The following BRIP1 variants were observed in gnomAD, a reference collection of about 807,000 sequenced individuals.
BRIP1 encodes BRCA1 interacting DNA helicase 1.
Under a neutral mutation model 119.7 loss-of-function variants are expected in BRIP1, and 88 were observed. That is an observed-to-expected ratio of 0.74 (90% confidence interval 0.62 to 0.88). The LOEUF (loss-of-function observed/expected upper bound fraction) is 0.88, where lower values mean the gene tolerates loss of function less well. Ranked by LOEUF, BRIP1 falls within the 40% of genes least tolerant of loss-of-function variation. The probability of loss-of-function intolerance (pLI) is 0.00; values close to 1 mark genes in which losing one functional copy is unlikely to be tolerated. For synonymous variants in BRIP1, 443 were observed against 496.5 expected, an observed-to-expected ratio of 0.89 and a Z score of 1.43; for missense variants, 1,259 against 1,455.4, an observed-to-expected ratio of 0.87 and a Z score of 2.20.
In BRIP1 at chr17:61,832,654, A is replaced by T. The variant is rs1245812109; in HGVS notation, c.627+14447T>A. 6.6e-6 allele frequency among the ~76,000 whole-genome samples: 1 copy of T among 152,130 alleles called. No individual in the cohort carries two copies. The highest frequency in any genetic ancestry group is 1.5e-5 in the Non-Finnish European group (1 of 68,026). On this transcript the variant is annotated intron_variant, in intron 6 of 19. Coordinates refer to ENST00000259008, the MANE Select transcript of BRIP1 (RefSeq NM_032043.3). The surrounding 1 kb of genome is among the most constrained non-coding windows in gnomAD (Gnocchi z 5.5). ...AATATTCTGAAGTGTCAAAATCATG[A>T]CAGTCAAGGAAAGACTGAAGAAGTG... is the stretch of plus-strand genomic sequence containing the variant.
rs1344643240 is a variant in BRIP1 at position 61,738,351 on chromosome 17, C to T, written c.2379+4662G>A. ...ATCTAGTAGTGCTGGTAAATAATTTCACTTTTTCTATCCCTTGTCCCTGCA... is the reference window on the plus strand; with the variant it reads ...ATCTAGTAGTGCTGGTAAATAATTTTACTTTTTCTATCCCTTGTCCCTGCA... On this transcript the variant is annotated intron_variant, in intron 16 of 19. Transcript: ENST00000259008. This position sits in a 1 kb window ranked among gnomAD's most constrained non-coding sequence, Gnocchi z 4.2. Among the ~76,000 whole-genome samples, 1 of 152,156 alleles carries T rather than the reference C, an allele frequency of 6.6e-6. No individual in the cohort carries two copies. The highest frequency in any genetic ancestry group is 2.1e-4 in the South Asian group (1 of 4,832).
In BRIP1 at chr17:61,696,430, A is replaced by C. The variant is rs144731270; in HGVS notation, c.2493-2918T>G. ...GTACAATCTTCTTTTCTCGTAATGT[A>C]TTTTACTTGTTTTAGTATCAGGTAA... On this transcript the variant is annotated intron_variant, in intron 17 of 19. Transcript: ENST00000259008. Among the ~76,000 whole-genome samples the C allele has an allele frequency of 6.3e-3, 959 of 152,060 alleles. 8 individuals are homozygous for C. The highest frequency in any genetic ancestry group is 0.022 in the African/African-American group (915 of 41,480).
At position 61,780,198 on chromosome 17, in the gene BRIP1, T is replaced by A; in HGVS notation, c.1935+63A>T. ...GGCACTTCAGGTATCTTCTAACTTG[T>A]TTACATAGTTATATTGAAGTAGAAA... is the stretch of plus-strand genomic sequence containing the variant. On this transcript the variant is annotated intron_variant, in intron 13 of 19. Transcript: ENST00000259008. This position sits in a 1 kb window ranked among gnomAD's most constrained non-coding sequence, Gnocchi z 5.4. The A allele has an allele frequency of 2.6e-6, 4 of 1,520,740 alleles. No homozygotes were observed. Among genetic ancestry groups the A allele is most frequent in the Non-Finnish European group, 3.6e-6 (4 of 1,104,766 alleles). 94.2% of individuals were successfully genotyped at this position (1,520,740 alleles called of 1,614,324 possible).
At chr17:61,763,599 C>T (rs2077309140) in intron 14 of BRIP1, among the ~76,000 whole-genome samples, 1 of 152,110 alleles carries the variant, frequency 6.6e-6, no homozygotes, top group Admixed American at 6.6e-5. Flanking sequence ...AACCAACGCA[C>T]TGATATGAGC....
chr17:61,857,300 A>T lies in BRIP1; in HGVS notation c.206-69T>A, dbSNP rs1306333252. On this transcript the variant is annotated intron_variant, in intron 3 of 19. Transcript: ENST00000259008. The surrounding 1 kb of genome is among the most constrained non-coding windows in gnomAD (Gnocchi z 5.1). Reference sequence around the variant, plus strand: ...AAACATCAATCATTCTCTACAGCCCAGTTCACCCAGGATTGGGAGGTTTCC... The same window carrying T: ...AAACATCAATCATTCTCTACAGCCCTGTTCACCCAGGATTGGGAGGTTTCC... 4.3e-6 allele frequency: 6 copies of T among 1,395,034 alleles called. No homozygotes were observed. The highest frequency in any genetic ancestry group is 4.9e-6 in the Non-Finnish European group (5 of 1,022,188). 86.4% of individuals were successfully genotyped at this position (1,395,034 alleles called of 1,614,324 possible).
At chr17:61,835,657 C>G (rs1174281524) in intron 6 of BRIP1, among the ~76,000 whole-genome samples, 1 of 150,270 alleles carries the variant, frequency 6.7e-6, no homozygotes, top group African/African-American at 2.5e-5. Context: ...TGTTTGAAGC[C>G]AAGTGGAATT....
At position 61,852,053 on chromosome 17, in the gene BRIP1, T is replaced by C. The variant is rs2078829847; in HGVS notation, c.380-2797A>G. ...CCACTCAAAATGTTAATAGTGCCAC[T>C]GTGGAGAAACTCTGTCCCAAATAAA... On this transcript the variant is annotated intron_variant, in intron 4 of 19. Coordinates refer to ENST00000259008, the MANE Select transcript of BRIP1 (RefSeq NM_032043.3). This position sits in a 1 kb window ranked among gnomAD's most constrained non-coding sequence, Gnocchi z 4.9. Among the ~76,000 whole-genome samples, 1 of 152,186 alleles carries C rather than the reference T, an allele frequency of 6.6e-6. No individual in the cohort carries two copies. The highest frequency in any genetic ancestry group is 1.5e-5 in the Non-Finnish European group (1 of 68,024).
chr17:61,694,509 C>T (rs2061494389), intron 17 of BRIP1, among the ~76,000 whole-genome samples: 1 of 151,904 alleles, frequency 6.6e-6, no homozygotes, highest in Non-Finnish European at 1.5e-5. Context: ...TATATGAATA[C>T]ATGTTTTTTA....
In BRIP1 at chr17:61,799,778, A is replaced by C. The variant is rs2077962136; in HGVS notation, c.1141-479T>G. Among the ~76,000 whole-genome samples, 1 of 152,192 alleles carries C rather than the reference A, an allele frequency of 6.6e-6. No homozygotes were observed. Among genetic ancestry groups the C allele is most frequent in the Non-Finnish European group, 1.5e-5 (1 of 68,030 alleles). On this transcript the variant is annotated intron_variant, in intron 8 of 19. Coordinates refer to ENST00000259008, the MANE Select transcript of BRIP1 (RefSeq NM_032043.3). The surrounding 1 kb of genome is among the most constrained non-coding windows in gnomAD (Gnocchi z 5.1). ...ACAATACAAGATTAAAATGACTCTT[A>C]AAATACTAACATAATATATATGTTT...
At chr17:61,772,664 C>G (rs918532941) in intron 14 of BRIP1, among the ~76,000 whole-genome samples, 1 of 151,500 alleles carries the variant, frequency 6.6e-6, no homozygotes, top group African/African-American at 2.4e-5. Context: ...ACTAAAAATA[C>G]AAAATTAGCC....
intron 16 of BRIP1, among the ~76,000 whole-genome samples, chr17:61,737,447 T>G (rs1229668412): frequency 6.6e-6 from 1 of 152,140 alleles, no homozygotes; most frequent in African/African-American, 2.4e-5. Flanking sequence ...AAGGAAAACA[T>G]TAGGGGCAAA....
At chr17:61,790,714 A>C (rs2077803404) in intron 10 of BRIP1, among the ~76,000 whole-genome samples, 1 of 151,654 alleles carries the variant, frequency 6.6e-6, no homozygotes, top group Admixed American at 6.6e-5. Flanking sequence ...ATCATGGTTC[A>C]CTGTAGCCTC....
chr17:61,689,057 T>TGTTATGTTATGTTATG lies in BRIP1; in HGVS notation c.2576-2893_2576-2892insCATAACATAACATAAC, dbSNP rs57839863. ...TGTTATGTTATGTTATGTTATGTTA[T>TGTTATGTTATGTTATG]TTTTTTGAGACAGTCTCGCTCTGTC... On this transcript the variant is annotated intron_variant, in intron 18 of 19. Coordinates refer to ENST00000259008, the MANE Select transcript of BRIP1 (RefSeq NM_032043.3). This position sits in a 1 kb window ranked among gnomAD's most constrained non-coding sequence, Gnocchi z 4.5. 6.6e-6 allele frequency among the ~76,000 whole-genome samples: 1 copy of TGTTATGTTATGTTATG among 151,928 alleles called. No homozygotes were observed. Among genetic ancestry groups the TGTTATGTTATGTTATG allele is most frequent in the African/African-American group, 2.4e-5 (1 of 41,344 alleles).
At position 61,851,446 on chromosome 17, in the gene BRIP1, A is replaced by T. The variant is rs533388557; in HGVS notation, c.380-2190T>A. On this transcript the variant is annotated intron_variant, in intron 4 of 19. Transcript: ENST00000259008. This position sits in a 1 kb window ranked among gnomAD's most constrained non-coding sequence, Gnocchi z 4.6. ...ATCTACCTTGAATGGGCTTTTGTAT[A>T]TGGTATAAAGTAGGGCTCCAATTTC... Among the ~76,000 whole-genome samples, 1 of 152,222 alleles carries T rather than the reference A, an allele frequency of 6.6e-6. No homozygotes were observed. Among genetic ancestry groups the T allele is most frequent in the Admixed American group, 6.5e-5 (1 of 15,290 alleles).
In BRIP1 at chr17:61,852,525, G is replaced by A. The variant is rs1320202589; in HGVS notation, c.380-3269C>T. Among the ~76,000 whole-genome samples the A allele has an allele frequency of 3.3e-5, 5 of 151,978 alleles. No homozygotes were observed. Among genetic ancestry groups the A allele is most frequent in the South Asian group, 2.1e-4 (1 of 4,824 alleles). On this transcript the variant is annotated intron_variant, in intron 4 of 19. Transcript: ENST00000259008. This position sits in a 1 kb window ranked among gnomAD's most constrained non-coding sequence, Gnocchi z 4.9. Reference sequence around the variant, plus strand: ...TCTACTAAAAATACAAAAATCAGCCGGGCGTGGTGGCAGGTGCCTGTAATC... The same window carrying A: ...TCTACTAAAAATACAAAAATCAGCCAGGCGTGGTGGCAGGTGCCTGTAATC...
rs12948762 is a variant in BRIP1 at position 61,815,870 on chromosome 17, T to G, written c.628-7113A>C. Among the ~76,000 whole-genome samples the G allele has an allele frequency of 0.79, 120,800 of 152,220 alleles. 48,564 individuals carry two copies. The highest frequency in any genetic ancestry group is 0.9 in the African/African-American group (37,238 of 41,550). ...AACTTTGAGACATAAAAAAGGGTTTTTTAATCTTTATCAACCATTTGCTGT... is the reference window on the plus strand; with the variant it reads ...AACTTTGAGACATAAAAAAGGGTTTGTTAATCTTTATCAACCATTTGCTGT... On this transcript the variant is annotated intron_variant, in intron 6 of 19. Coordinates refer to ENST00000259008, the MANE Select transcript of BRIP1 (RefSeq NM_032043.3). The surrounding 1 kb of genome is among the most constrained non-coding windows in gnomAD (Gnocchi z 4.1).
chr17:61,789,328 CAG>C lies in BRIP1; in HGVS notation c.1473+4267_1473+4268del, dbSNP rs1303274452. On this transcript the variant is annotated intron_variant, in intron 10 of 19. Coordinates refer to ENST00000259008, the MANE Select transcript of BRIP1 (RefSeq NM_032043.3). This position sits in a 1 kb window ranked among gnomAD's most constrained non-coding sequence, Gnocchi z 4.8. ...TAATTAAAAAAAGAAAAATAGGTAG[CAG>C]AGGTAGCATTACAAATTAGAGGGAA... is the stretch of plus-strand genomic sequence containing the variant. Among the ~76,000 whole-genome samples, 1 of 150,858 alleles carries C rather than the reference CAG, an allele frequency of 6.6e-6. No individual in the cohort carries two copies. Among genetic ancestry groups the C allele is most frequent in the Non-Finnish European group, 1.5e-5 (1 of 67,674 alleles).
rs747213803 is a variant in BRIP1, at chr17:61,686,141, T to C, written c.2600A>G (p.Gln867Arg). The C allele has an allele frequency of 6.2e-7, 1 of 1,614,128 alleles. No homozygotes were observed. Among genetic ancestry groups the C allele is most frequent in the South Asian group, 1.1e-5 (1 of 91,078 alleles). Reference sequence around the variant, plus strand: ...TTCAAAGGTTGAATGGTGCTGAATCTGCTGCCGTACCCATTTAGAAAGTCC... The same window carrying C: ...TTCAAAGGTTGAATGGTGCTGAATCCGCTGCCGTACCCATTTAGAAAGTCC... The part of the protein sequence containing the change: ...ISGLSKWVRQ[Q>R]IQHHSTFESA... The change falls in exon 19 of 20, where the codon CAG (glutamine) becomes CGG (arginine). Residue 867 changes from glutamine to arginine, a missense_variant. By Grantham distance (43) the Gln-to-Arg change is conservative. This residue lies in a region of BRIP1 where 753 missense variants were observed against 891.8 expected (regional missense o/e 0.84). Coordinates refer to ENST00000259008, the MANE Select transcript of BRIP1 (RefSeq NM_032043.3). The surrounding 1 kb of genome is among the most constrained non-coding windows in gnomAD (Gnocchi z 5.4).
intron 14 of BRIP1, among the ~76,000 whole-genome samples, chr17:61,764,319 C>A (rs2077319860): frequency 6.6e-6 from 1 of 152,186 alleles, no homozygotes; most frequent in Non-Finnish European, 1.5e-5. Context: ...TGTGGTCCTT[C>A]CACCCACTTA....
Sources: gnomAD v4.1 joint callset for allele counts (sites outside exome capture counted in the v4.1 genomes callset) on GRCh38, gnomAD v4.1.1 for gene constraint, gnomAD v4.1.1 regional missense constraint, Gnocchi (gnomAD v3.1) non-coding constraint, MANE v1.5 for transcripts, NCBI Gene and HGNC (gene_info 2026-07-23, HGNC 2026-07-21) for gene names.